The following CC2D1A variants were observed in gnomAD, a reference collection of about 807,000 sequenced individuals.
CC2D1A encodes coiled-coil and C2 domain containing 1A.
In CC2D1A, 68 loss-of-function variants were observed where a neutral mutation model predicts 123.8. That is an observed-to-expected ratio of 0.55 (90% CI 0.45 to 0.67). The LOEUF is 0.67. Among genes scored for constraint, CC2D1A ranks in the 30% least tolerant of loss-of-function variants. The pLI is 0.00. For missense variants in CC2D1A, 1,185 were observed against 1,290.3 expected (o/e 0.92, Z 1.25); for synonymous variants, 477 against 528.0 (o/e 0.90, Z 1.32).
In CC2D1A at chr19:13,920,830, G is replaced by A. The variant is rs200797532; in HGVS notation, c.1549G>A (p.Val517Met). Residue 517 changes from valine to methionine, a missense_variant, in exon 14 of 29, where the codon GTG becomes ATG. Val to Met is a conservative substitution (Grantham distance 21). Coordinates refer to ENST00000318003, the MANE Select transcript of CC2D1A (RefSeq NM_017721.5). ...AALRAKQKND[V>M]EGAKMHLRQA... Reference sequence around the variant, plus strand: ...ACTGCGAGCCAAGCAGAAAAACGACGTGGAGGGTGCCAAGATGCACCTGCG... The same window carrying A: ...ACTGCGAGCCAAGCAGAAAAACGACATGGAGGGTGCCAAGATGCACCTGCG... The A allele has an allele frequency of 2.6e-4, 422 of 1,614,014 alleles. 1 individual carries two copies. Among genetic ancestry groups the A allele is most frequent in the Non-Finnish European group, 3.3e-4 (389 of 1,180,026 alleles).
chr19:13,912,489 C>T (rs754416931), intron 3 of CC2D1A, 39 bp from the exon 4 acceptor site: 2 of 1,614,118 alleles, frequency 1.2e-6, no homozygotes, highest in Non-Finnish European at 1.7e-6. Flanking sequence ...CCCCATCCAG[C>T]AGGCCCTTAT....
At chr19:13,917,779 G>A (rs543297481) in intron 6 of CC2D1A, among the ~76,000 whole-genome samples, 2 of 152,290 alleles carry the variant, frequency 1.3e-5, no homozygotes, top group South Asian at 4.1e-4. Flanking sequence ...AGGACTTTGA[G>A]ACCAGCCTGG....
At chr19:13,925,960 ACACGTATATATATGTG>A (rs1568418547) in intron 17 of CC2D1A, among the ~76,000 whole-genome samples, 14 of 122,902 alleles carry the variant, frequency 1.1e-4, no homozygotes, top group African/African-American at 5.7e-4. Context: ...ATATATATAT[ACACGTATATATATGTG>A]TATATATATA....
intron 6 of CC2D1A, 132 bp downstream of exon 6, chr19:13,913,770 C>T: frequency 1.6e-6 from 1 of 641,118 alleles, no homozygotes; most frequent in Non-Finnish European, 2.6e-6. Flanking sequence ...GGTCTTCAAG[C>T]CCCTGGAGTT....
At position 13,906,718 on chromosome 19, in the gene CC2D1A, G is replaced by A. The variant is rs1458264833; in HGVS notation, c.60+217G>A. Among the ~76,000 whole-genome samples, 2 of 152,244 alleles carry A rather than the reference G, an allele frequency of 1.3e-5. No individual in the cohort carries two copies. Among genetic ancestry groups the A allele is most frequent in the Non-Finnish European group, 2.9e-5 (2 of 68,054 alleles). ...CCCTGCCCCGGGTTCGGGGCCACCT[G>A]TTGCCACAGCTGCTCCAGTCGAGGA... is the stretch of plus-strand genomic sequence containing the variant. On this transcript the variant is annotated intron_variant, in intron 1 of 28. Coordinates refer to ENST00000318003, the MANE Select transcript of CC2D1A (RefSeq NM_017721.5). This position sits in a 1 kb window ranked among gnomAD's most constrained non-coding sequence, Gnocchi z 4.1.
At position 13,919,171 on chromosome 19, in the gene CC2D1A, C is replaced by CGTGGAT. The variant is rs778056155; in HGVS notation, c.1194_1199dup (p.Asp399_Val400dup). On this transcript the variant is annotated inframe_insertion, in exon 11 of 29. Coordinates refer to ENST00000318003, the MANE Select transcript of CC2D1A (RefSeq NM_017721.5). Reference sequence around the variant, plus strand: ...TCCGAGCCCACAAGGCTGGCCGAGCCGTGGATGTCGCTGAATTGCCCGTGC... The same window carrying CGTGGAT: ...TCCGAGCCCACAAGGCTGGCCGAGCCGTGGATGTGGATGTCGCTGAATTGCCCGTGC... 1 of 1,613,008 alleles carries CGTGGAT rather than the reference C, an allele frequency of 6.2e-7. No homozygotes were observed. Among genetic ancestry groups the CGTGGAT allele is most frequent in the South Asian group, 1.1e-5 (1 of 91,078 alleles).
At chr19:13,910,826 G>A (rs1460226094) in intron 2 of CC2D1A, among the ~76,000 whole-genome samples, 5 of 151,146 alleles carry the variant, frequency 3.3e-5, no homozygotes, top group East Asian at 2.0e-4. Context: ...CATGAGAATC[G>A]CTTGAATCCA....
chr19:13,926,644 C>A (rs1277160293), intron 18 of CC2D1A, 23 bp from the exon 19 acceptor site: 1 of 1,614,080 alleles, frequency 6.2e-7, no homozygotes, highest in Non-Finnish European at 8.5e-7. Flanking sequence ...CTCTGCCCAG[C>A]TCTGACCGTT....
At chr19:13,920,405 TG>T in intron 12 of CC2D1A, 151 bp from the exon 13 acceptor site, 1 of 634,152 alleles carries the variant, frequency 1.6e-6, no homozygotes. Context: ...AAAAGGTGTT[TG>T]GGGCCAGGGG....
rs949108516 is a variant in CC2D1A at position 13,920,026 on chromosome 19, C to G, written c.1356+75C>G. 9.1e-6 allele frequency: 13 copies of G among 1,427,880 alleles called. No homozygotes were observed. In the East Asian group the frequency reaches 1.2e-4, roughly 14 times the overall value. The allele number at this position is 1,427,880 out of a possible 1,614,324, so 88.5% of individuals were successfully genotyped here. ...CTTTGGGAATCCAAGATGGGAGGATCGCTTGAGGCCAGGAGTTTGAGACCA... is the reference window on the plus strand; with the variant it reads ...CTTTGGGAATCCAAGATGGGAGGATGGCTTGAGGCCAGGAGTTTGAGACCA... On this transcript the variant is annotated intron_variant, in intron 12 of 28. Transcript: ENST00000318003.
chr19:13,912,477 G>A, intron 3 of CC2D1A, 39 bp downstream of exon 3: 2 of 1,614,018 alleles, frequency 1.2e-6, no homozygotes, highest in African/African-American at 1.3e-5. Flanking sequence ...TGATCCGGTT[G>A]CCCCCATCCA....
Position 13,913,658 on chromosome 19 carries a change from G to T in CC2D1A, c.748+20G>T. ...CCCCAGGTAGGTGATGGGCAGGGCC[G>T]GGCTGATATGGGATCCGAGTGGGCC... On this transcript the variant is annotated intron_variant, in intron 6 of 28. Coordinates refer to ENST00000318003, the MANE Select transcript of CC2D1A (RefSeq NM_017721.5). 4 of 1,550,678 alleles carry T rather than the reference G, an allele frequency of 2.6e-6. No individual in the cohort carries two copies. The highest frequency in any genetic ancestry group is 2.6e-6 in the Non-Finnish European group (3 of 1,141,414).
rs561542827 is a variant in CC2D1A, at chr19:13,930,191, G to A, written c.2787+37G>A. The stretch of plus-strand genomic sequence containing the variant: ...GCGGGCCGGGTGGGCACTGGGCAGC[G>A]GGCAGGGTGGGGCCTGCAGGGACTA... On this transcript the variant is annotated intron_variant, in intron 27 of 28. Transcript: ENST00000318003. The surrounding 1 kb of genome is among the most constrained non-coding windows in gnomAD (Gnocchi z 6.8). The A allele has an allele frequency of 1.2e-4, 201 of 1,612,852 alleles. 3 individuals carry two copies. In the South Asian group the frequency reaches 2.0e-3, roughly 16 times the overall value.
At chr19:13,916,030 C>T (rs1218952120) in intron 6 of CC2D1A, among the ~76,000 whole-genome samples, 5 of 151,576 alleles carry the variant, frequency 3.3e-5, no homozygotes, top group South Asian at 2.1e-4. Flanking sequence ...CCAAAGCGGG[C>T]GGATCACTTG....
At chr19:13,919,776 C>T (rs1454339975) in intron 11 of CC2D1A, 42 bp from the exon 12 acceptor site, 2 of 1,551,790 alleles carry the variant, frequency 1.3e-6, no homozygotes, top group Non-Finnish European at 1.8e-6. Context: ...GAGTTGGTCT[C>T]CATCCTGACA....
chr19:13,929,512 C>G, intron 25 of CC2D1A, 22 bp from the exon 26 acceptor site: 3 of 1,612,480 alleles, frequency 1.9e-6, no homozygotes, highest in Non-Finnish European at 2.5e-6. Flanking sequence ...AGGATCCTCA[C>G]AGGACCCTCT....
chr19:13,913,460 C>T lies in CC2D1A; in HGVS notation c.570C>T (p.Asp190=). The stretch of plus-strand genomic sequence containing the variant: ...AGGGCAATGCCATTGACGAAGCGGA[C>T]ATCCCGCCGCCAGTGGCCATAGGAA... ...IRKGNAIDEA[D]IPPPVAIGKG... is the part of the protein sequence containing the mutation. Residue 190 remains aspartate (D), a synonymous_variant, in exon 6 of 29, where the codon GAC becomes GAT. Coordinates refer to ENST00000318003, the MANE Select transcript of CC2D1A (RefSeq NM_017721.5). 1 of 1,614,216 alleles carries T rather than the reference C, an allele frequency of 6.2e-7. No individual in the cohort carries two copies.
At chr19:13,907,616 G>A (rs1970816181) in intron 1 of CC2D1A, among the ~76,000 whole-genome samples, 1 of 151,966 alleles carries the variant, frequency 6.6e-6, no homozygotes, top group African/African-American at 2.4e-5. Context: ...AGGTTGCAGT[G>A]AGCTGAGATC....
At chr19:13,919,314 C>G (rs1188432925) in intron 11 of CC2D1A, 112 bp downstream of exon 11, 3 of 813,546 alleles carry the variant, frequency 3.7e-6, no homozygotes, top group Non-Finnish European at 5.7e-6. Flanking sequence ...CCTCCAGCCT[C>G]TGAGCCTTGG....
Sources: allele counts gnomAD v4.1 joint callset (sites outside exome capture counted in the v4.1 genomes callset), GRCh38; gene constraint gnomAD v4.1.1; non-coding constraint Gnocchi (gnomAD v3.1); transcripts MANE v1.5; gene names NCBI Gene and HGNC (gene_info 2026-07-23, HGNC 2026-07-21).